The following TBC1D12 variants were observed in gnomAD, a reference collection of about 807,000 sequenced individuals.
The protein encoded by TBC1D12 is TBC1 domain family member 12.
TBC1D12 carries 56 observed loss-of-function variants against 86.7 expected under a neutral mutation model. That is an observed-to-expected ratio of 0.65 (90% CI 0.52 to 0.81). TBC1D12 has a LOEUF of 0.81. Ranked by LOEUF, TBC1D12 falls within the 30% of genes least tolerant of loss-of-function variation. The probability of loss-of-function intolerance (pLI) is 0.00; values close to 1 mark genes in which losing one functional copy is unlikely to be tolerated. For missense variants in TBC1D12, 1,023 were observed against 1,038.8 expected, an observed-to-expected ratio of 0.98 and a Z score of 0.21; for synonymous variants, 421 against 411.7, an observed-to-expected ratio of 1.02 and a Z score of -0.27.
At chr10:94,456,709 G>A (rs921724194) in intron 2 of TBC1D12, among the ~76,000 whole-genome samples, 2 of 152,206 alleles carry the variant, frequency 1.3e-5, no homozygotes, top group African/African-American at 4.8e-5. Context: ...CTGTTGTTAA[G>A]CTATGTCCTT....
At chr10:94,444,081 A>T (rs1057148731) in intron 2 of TBC1D12, among the ~76,000 whole-genome samples, 1 of 151,882 alleles carries the variant, frequency 6.6e-6, no homozygotes, top group Non-Finnish European at 1.5e-5. Context: ...GAGACAGGAG[A>T]ATCGCTTGAA....
chr10:94,450,780 T>A (rs2055538476), intron 2 of TBC1D12, among the ~76,000 whole-genome samples: 1 of 151,884 alleles, frequency 6.6e-6, no homozygotes, highest in Non-Finnish European at 1.5e-5. Context: ...CAACAACAGA[T>A]GAATGGGTAA....
intron 2 of TBC1D12, among the ~76,000 whole-genome samples, chr10:94,443,233 CT>C (rs975927445): frequency 6.6e-6 from 1 of 152,170 alleles, no homozygotes; most frequent in African/African-American, 2.4e-5. Context: ...CTCCCTTTCC[CT>C]TTTGAAGGAT....
At chr10:94,411,628 T>C (rs2054928789) in intron 1 of TBC1D12, among the ~76,000 whole-genome samples, 1 of 152,158 alleles carries the variant, frequency 6.6e-6, no homozygotes. Flanking sequence ...AGCCTCCGCC[T>C]AGTCAGATTC....
intron 11 of TBC1D12, among the ~76,000 whole-genome samples, chr10:94,524,541 C>T (rs1842238488): frequency 6.6e-6 from 1 of 152,022 alleles, no homozygotes; most frequent in Middle Eastern, 3.4e-3. Context: ...GAGATCGAGA[C>T]CATCCTGGCC....
At chr10:94,518,207 T>G (rs1842053398) in intron 9 of TBC1D12, among the ~76,000 whole-genome samples, 2 of 152,046 alleles carry the variant, frequency 1.3e-5, no homozygotes, top group Admixed American at 6.6e-5. Flanking sequence ...GCATTCTTTT[T>G]TTTCTTTTCT....
rs1228992339 is a variant in TBC1D12, at chr10:94,521,977, C to A, written c.1784C>A (p.Ala595Glu). The change falls in exon 10 of 13, where the codon GCA becomes GAA. Residue 595 changes from alanine to glutamate, a missense_variant. By Grantham distance (107) the Ala-to-Glu change is moderately radical. Transcript: ENST00000225235. ...AAGGTCCAAGGGATGTCCTTCATTG[C>A]AGCAGTACTCATTCTCAATTTGGAA... ...VGYVQGMSFI[A>E]AVLILNLEEA... 5 of 1,610,078 alleles carry A rather than the reference C, an allele frequency of 3.1e-6. No homozygotes were observed. In the Admixed American group the frequency reaches 6.7e-5, roughly 21 times the overall value.
chr10:94,460,550 A>G (rs1177758862), intron 2 of TBC1D12, among the ~76,000 whole-genome samples: 2 of 151,484 alleles, frequency 1.3e-5, no homozygotes, highest in Non-Finnish European at 2.9e-5. Flanking sequence ...TGAAATTTGA[A>G]TATGATATGG....
At chr10:94,510,068 T>C in intron 7 of TBC1D12, 23 bp from the exon 8 acceptor site, 1 of 1,577,668 alleles carries the variant, frequency 6.3e-7, no homozygotes, top group Non-Finnish European at 8.7e-7. Flanking sequence ...ATCATTTAAA[T>C]TGTATCTGCT....
At chr10:94,492,969 T>C (rs2056265790) in intron 3 of TBC1D12, among the ~76,000 whole-genome samples, 1 of 152,156 alleles carries the variant, frequency 6.6e-6, no homozygotes, top group African/African-American at 2.4e-5. Flanking sequence ...GACTGAAATC[T>C]GAAATGGACT....
chr10:94,418,697 G>T (rs1453708308), intron 1 of TBC1D12, among the ~76,000 whole-genome samples: 1 of 151,486 alleles, frequency 6.6e-6, no homozygotes. Context: ...TCAGCCTCCC[G>T]AGTAGCTGGG....
intron 11 of TBC1D12, among the ~76,000 whole-genome samples, chr10:94,527,218 G>A (rs1266286621): frequency 6.6e-6 from 1 of 151,766 alleles, no homozygotes; most frequent in Non-Finnish European, 1.5e-5. Flanking sequence ...TCAGCCACTC[G>A]AGTAGCTGGG....
intron 1 of TBC1D12, among the ~76,000 whole-genome samples, chr10:94,417,609 C>T (rs1323538968): frequency 6.6e-6 from 1 of 152,060 alleles, no homozygotes; most frequent in East Asian, 1.9e-4. Context: ...ATCAAGGTTT[C>T]ACATCTAGTG....
rs886717296 is a variant in TBC1D12 at position 94,438,688 on chromosome 10, A to G, written c.972-3208A>G. Among the ~76,000 whole-genome samples, 4 of 152,134 alleles carry G rather than the reference A, an allele frequency of 2.6e-5. No individual in the cohort carries two copies. The East Asian group carries it at 7.7e-4, about 29-fold the overall frequency. ...TTATGCATGCTGCTTATTCATACTTATGAAAGATCGGTAGCCTCTTCCTTC... is the reference window on the plus strand; with the variant it reads ...TTATGCATGCTGCTTATTCATACTTGTGAAAGATCGGTAGCCTCTTCCTTC... On this transcript the variant is annotated intron_variant, in intron 1 of 12. Transcript: ENST00000225235.
chr10:94,482,470 G>A (rs1190229110), intron 3 of TBC1D12, among the ~76,000 whole-genome samples: 1 of 150,206 alleles, frequency 6.7e-6, no homozygotes. Flanking sequence ...TTTTTTTTGA[G>A]ACGGAGTTTT....
chr10:94,487,697 T>C (rs534699062), intron 3 of TBC1D12, among the ~76,000 whole-genome samples: 24,919 of 127,258 alleles, frequency 0.2, 1,983 homozygotes, highest in South Asian at 0.33. Flanking sequence ...TGTTTCTCTT[T>C]TTTTTTTTTT....
intron 1 of TBC1D12, among the ~76,000 whole-genome samples, chr10:94,416,189 A>G (rs1016448981): frequency 6.6e-6 from 1 of 152,228 alleles, no homozygotes; most frequent in African/African-American, 2.4e-5. Context: ...CATGCATATC[A>G]TCAGTTCAGG....
chr10:94,507,388 T>A, intron 7 of TBC1D12, 41 bp downstream of exon 7: 1 of 1,516,600 alleles, frequency 6.6e-7, no homozygotes, highest in Non-Finnish European at 9.0e-7. Context: ...AGGATGAAAA[T>A]TCAGATACTG....
At chr10:94,480,559 T>TA (rs2056062610) in intron 3 of TBC1D12, among the ~76,000 whole-genome samples, 2 of 152,142 alleles carry the variant, frequency 1.3e-5, no homozygotes, top group Non-Finnish European at 2.9e-5. Context: ...CGCCTTGCTT[T>TA]AATGATTGAG....
Sources: allele counts gnomAD v4.1 joint callset (sites outside exome capture counted in the v4.1 genomes callset), GRCh38; gene constraint gnomAD v4.1.1; transcripts MANE v1.5; gene names NCBI Gene and HGNC (gene_info 2026-07-23, HGNC 2026-07-21).